The following GALNT13 variants were observed in gnomAD, a reference collection of about 807,000 sequenced individuals.
GALNT13 encodes UDP-GalNAc:polypeptide N-acetylgalactosaminyltransferase 13.
A neutral mutation model predicts 64.2 loss-of-function variants in GALNT13; 28 were observed. The ratio of observed to expected loss-of-function variants is 0.44; its 90% CI spans 0.32 to 0.60. GALNT13 has a LOEUF of 0.60. GALNT13 is among the 20% of genes least tolerant of loss of function. GALNT13 has a pLI of 0.05. For synonymous variants in GALNT13, 214 were observed against 224.6 expected (o/e 0.95, Z 0.42); for missense variants, 577 against 669.8 (o/e 0.86, Z 1.53).
intron 4 of GALNT13, among the ~76,000 whole-genome samples, chr2:154,233,235 A>G (rs1162552586): frequency 2.0e-5 from 3 of 152,132 alleles, no homozygotes; most frequent in Admixed American, 6.6e-5. Flanking sequence ...GCCAAGGTGG[A>G]TATTTGTAGA....
At chr2:153,086,266 G>T in the GALNT13 span, among the ~76,000 whole-genome samples, 5 of 152,154 alleles carry the variant, frequency 3.3e-5, no homozygotes, top group Admixed American at 2.0e-4. Flanking sequence ...GCTGAAATGA[G>T]TTAAGACCTT....
At chr2:154,276,156 G>A (rs1015161663) in intron 8 of GALNT13, among the ~76,000 whole-genome samples, 11 of 151,990 alleles carry the variant, frequency 7.2e-5, no homozygotes, top group Admixed American at 2.0e-4. Context: ...ATGAGACTGT[G>A]GACTGTGGAT....
intron 9 of GALNT13, among the ~76,000 whole-genome samples, chr2:154,395,394 A>G (rs1394687760): frequency 6.6e-6 from 1 of 152,092 alleles, no homozygotes; most frequent in Non-Finnish European, 1.5e-5. Flanking sequence ...ATTTCTGTTC[A>G]TTTGTTTGTT....
At chr2:154,070,919 GAAAAAAA>G (rs527665873) in intron 3 of GALNT13, among the ~76,000 whole-genome samples, 1 of 127,864 alleles carries the variant, frequency 7.8e-6, no homozygotes. Context: ...TGTTTCAAAA[GAAAAAAA>G]AAAAGAAAAA....
the GALNT13 span, among the ~76,000 whole-genome samples, chr2:153,291,327 T>A: frequency 3.9e-5 from 6 of 152,324 alleles, no homozygotes; most frequent in East Asian, 1.2e-3. Flanking sequence ...TCATATAATA[T>A]GCTGCATCTT....
At chr2:153,541,336 C>T in the GALNT13 span, among the ~76,000 whole-genome samples, 9 of 152,274 alleles carry the variant, frequency 5.9e-5, no homozygotes, top group East Asian at 1.7e-3. Context: ...TCCTGCTGAC[C>T]TGTGAGTCAA....
intron 2 of GALNT13, among the ~76,000 whole-genome samples, chr2:153,943,774 C>G (rs905014833): frequency 1.3e-5 from 2 of 152,202 alleles, no homozygotes; most frequent in Non-Finnish European, 2.9e-5. Context: ...GGATTACAGG[C>G]GTGAGCCGCC....
intron 9 of GALNT13, among the ~76,000 whole-genome samples, chr2:154,368,403 T>C (rs1176514408): frequency 6.6e-6 from 1 of 152,144 alleles, no homozygotes; most frequent in Non-Finnish European, 1.5e-5. Context: ...CAGGCCTGTC[T>C]TTCCCAAAGA....
chr2:153,893,412 A>G (rs1196536170), intron 1 of GALNT13, among the ~76,000 whole-genome samples: 1 of 152,036 alleles, frequency 6.6e-6, no homozygotes, highest in Non-Finnish European at 1.5e-5. Context: ...TTGGATTATA[A>G]CATGATATGT....
At chr2:153,730,609 A>G in the GALNT13 span, among the ~76,000 whole-genome samples, 1 of 151,970 alleles carries the variant, frequency 6.6e-6, no homozygotes, top group East Asian at 1.9e-4. Context: ...AAATAAACAT[A>G]CAATCTACAG....
chr2:153,697,039 A>C, the GALNT13 span, among the ~76,000 whole-genome samples: 277 of 152,344 alleles, frequency 1.8e-3, 1 homozygote, highest in African/African-American at 5.7e-3. Flanking sequence ...GGGTTTGCAG[A>C]AGCCTTTATG....
the GALNT13 span, among the ~76,000 whole-genome samples, chr2:153,586,285 A>C: frequency 2.6e-5 from 4 of 152,346 alleles, no homozygotes; most frequent in Admixed American, 2.0e-4. Context: ...TGATCCAAAT[A>C]TATGCAGCTT....
At chr2:153,099,694 T>G in the GALNT13 span, among the ~76,000 whole-genome samples, 446 of 152,338 alleles carry the variant, frequency 2.9e-3, 3 homozygotes, top group African/African-American at 9.9e-3. Context: ...CTCTGCTTAT[T>G]TCATGGTATT....
chr2:153,630,604 T>A, the GALNT13 span, among the ~76,000 whole-genome samples: 2 of 147,964 alleles, frequency 1.4e-5, no homozygotes, highest in East Asian at 2.0e-4. Flanking sequence ...CATATGTAAC[T>A]AACCTGCACA....
the GALNT13 span, among the ~76,000 whole-genome samples, chr2:153,805,414 T>A: frequency 1.3e-5 from 2 of 152,086 alleles, no homozygotes; most frequent in African/African-American, 2.4e-5. Flanking sequence ...TTTTCAAATA[T>A]AAAGGTCACA....
intron 3 of GALNT13, among the ~76,000 whole-genome samples, chr2:153,975,845 C>T (rs1014253886): frequency 2.0e-5 from 3 of 152,034 alleles, no homozygotes; most frequent in African/African-American, 4.8e-5. Flanking sequence ...CACAAAAAAA[C>T]GGTAACTGTA....
intron 3 of GALNT13, among the ~76,000 whole-genome samples, chr2:154,116,432 A>G (rs1235116715): frequency 2.0e-5 from 3 of 151,024 alleles, no homozygotes; most frequent in African/African-American, 7.3e-5. Context: ...AGGAGGTAAG[A>G]CTCTCACTCA....
chr2:153,647,514 G>T, the GALNT13 span, among the ~76,000 whole-genome samples: 1 of 152,076 alleles, frequency 6.6e-6, no homozygotes, highest in Non-Finnish European at 1.5e-5. Context: ...CATTGCTTTT[G>T]GTGTATTAAA....
At chr2:153,411,299 G>T in the GALNT13 span, among the ~76,000 whole-genome samples, 1 of 151,876 alleles carries the variant, frequency 6.6e-6, no homozygotes, top group Non-Finnish European at 1.5e-5. Context: ...CAGTATAGGG[G>T]ATCCGATAGG....
Sources: allele counts gnomAD v4.1 joint callset (sites outside exome capture counted in the v4.1 genomes callset), GRCh38; gene constraint gnomAD v4.1.1; transcripts MANE v1.5; gene names NCBI Gene and HGNC (gene_info 2026-07-23, HGNC 2026-07-21).